The following SIK3 variants were observed in gnomAD, a reference collection of about 807,000 sequenced individuals.
The protein encoded by SIK3 is serine/threonine-protein kinase SIK3.
In SIK3, 28 loss-of-function variants were observed where a neutral mutation model predicts 144.2. That is an observed-to-expected ratio of 0.19 (90% confidence interval 0.14 to 0.27). The LOEUF is 0.27. SIK3 is among the 10% of genes least tolerant of loss of function. SIK3 has a pLI of 1.00. For missense variants in SIK3, 1,319 were observed against 1,776.0 expected, an observed-to-expected ratio of 0.74 and a Z score of 4.62; for synonymous variants, 686 against 676.3, an observed-to-expected ratio of 1.01 and a Z score of -0.22.
chr11:117,064,812 C>T (rs1017965507), intron 1 of SIK3, among the ~76,000 whole-genome samples: 1 of 152,088 alleles, frequency 6.6e-6, no homozygotes, highest in African/African-American at 2.4e-5. Flanking sequence ...CTTTTAATTG[C>T]TAAAATTCTC....
intron 4 of SIK3, among the ~76,000 whole-genome samples, chr11:116,898,041 G>C (rs983067236): frequency 2.6e-5 from 4 of 151,918 alleles, no homozygotes; most frequent in African/African-American, 7.3e-5. Context: ...AGTTACATAT[G>C]TATACATGTG....
intron 1 of SIK3, among the ~76,000 whole-genome samples, chr11:117,055,608 G>A (rs915417193): frequency 9.2e-5 from 14 of 152,222 alleles, no homozygotes; most frequent in African/African-American, 3.1e-4. Flanking sequence ...TTAACAAGTA[G>A]GCAGAGAAAC....
chr11:117,089,144 G>A (rs1026043682), intron 1 of SIK3, among the ~76,000 whole-genome samples: 2 of 151,480 alleles, frequency 1.3e-5, no homozygotes, highest in African/African-American at 4.8e-5. Flanking sequence ...GGTGGCTCAC[G>A]CCTGTAATCC....
chr11:117,039,788 T>C lies in SIK3; in HGVS notation c.273+58355A>G, dbSNP rs117189687. On this transcript the variant is annotated intron_variant, in intron 1 of 24. Transcript: ENST00000445177. The stretch of plus-strand genomic sequence containing the variant: ...ATAGACACTAAAGAAGTAGTTACTA[T>C]TATTTTACAAAGAAGAAAACTACGG... Among the ~76,000 whole-genome samples, 25 of 152,330 alleles carry C rather than the reference T, an allele frequency of 1.6e-4. No homozygotes were observed. In the East Asian group the frequency reaches 4.8e-3, roughly 29 times the overall value.
intron 4 of SIK3, among the ~76,000 whole-genome samples, chr11:116,926,860 A>G (rs1341356381): frequency 1.3e-5 from 2 of 152,080 alleles, no homozygotes; most frequent in African/African-American, 2.4e-5. Flanking sequence ...AACTCTACTA[A>G]AAGTATAAAA....
chr11:117,005,331 T>C (rs1308486454), intron 1 of SIK3, among the ~76,000 whole-genome samples: 2 of 76,750 alleles, frequency 2.6e-5, no homozygotes, highest in Non-Finnish European at 4.4e-5. Flanking sequence ...CGAGACCCCG[T>C]CTCAGAAAAA....
At chr11:116,947,167 AATT>A (rs1429660495) in intron 3 of SIK3, among the ~76,000 whole-genome samples, 204 of 118,260 alleles carry the variant, frequency 1.7e-3, no homozygotes, top group African/African-American at 7.8e-3. Flanking sequence ...ATTATATATA[AATT>A]ATTATTTATA....
At chr11:117,072,668 T>C (rs1021273964) in intron 1 of SIK3, among the ~76,000 whole-genome samples, 1 of 152,174 alleles carries the variant, frequency 6.6e-6, no homozygotes, top group African/African-American at 2.4e-5. Flanking sequence ...TCCTCTTTGG[T>C]AGTTGTGTAA....
chr11:117,067,422 A>C (rs1954070454), intron 1 of SIK3, among the ~76,000 whole-genome samples: 1 of 152,228 alleles, frequency 6.6e-6, no homozygotes, highest in Non-Finnish European at 1.5e-5. Flanking sequence ...TGATGAAAGA[A>C]GAGTACATCC....
At chr11:116,910,320 GAAAA>G (rs199714572) in intron 4 of SIK3, among the ~76,000 whole-genome samples, 6 of 149,330 alleles carry the variant, frequency 4.0e-5, no homozygotes, top group African/African-American at 1.5e-4. Context: ...CAGAAAAGAA[GAAAA>G]AAAAACCTAG....
At chr11:116,896,212 T>C in intron 6 of SIK3, 41 bp downstream of exon 6, 2 of 1,608,172 alleles carry the variant, frequency 1.2e-6, no homozygotes, top group Non-Finnish European at 1.7e-6. Context: ...GGTCTAACTT[T>C]CATGAACCCA....
At chr11:117,066,997 T>C (rs779054550) in intron 1 of SIK3, among the ~76,000 whole-genome samples, 7 of 152,222 alleles carry the variant, frequency 4.6e-5, no homozygotes, top group South Asian at 4.1e-4. Flanking sequence ...TTGGAACAAC[T>C]AAAATTTAAG....
At chr11:117,098,078 T>A in intron 1 of SIK3, 65 bp downstream of exon 1, 1 of 1,246,092 alleles carries the variant, frequency 8.0e-7, no homozygotes. Context: ...ACCCCCCGGC[T>A]GGGGGGCGCG....
intron 3 of SIK3, among the ~76,000 whole-genome samples, chr11:116,942,011 T>C (rs1055230776): frequency 6.6e-6 from 1 of 152,232 alleles, no homozygotes; most frequent in Non-Finnish European, 1.5e-5. Context: ...GTCAATTGAA[T>C]GAGTAGTAAA....
At chr11:117,026,939 T>C (rs1464796733) in intron 1 of SIK3, among the ~76,000 whole-genome samples, 1 of 152,118 alleles carries the variant, frequency 6.6e-6, no homozygotes, top group Non-Finnish European at 1.5e-5. Context: ...GTAATACAAG[T>C]AAGGGGGTAA....
intron 1 of SIK3, among the ~76,000 whole-genome samples, chr11:117,019,168 C>T (rs1240561639): frequency 6.6e-6 from 1 of 151,620 alleles, no homozygotes; most frequent in Non-Finnish European, 1.5e-5. Flanking sequence ...TACAGGTGCA[C>T]ACCGCCACAC....
At chr11:116,898,323 C>A (rs1467193976) in intron 4 of SIK3, among the ~76,000 whole-genome samples, 1 of 152,184 alleles carries the variant, frequency 6.6e-6, no homozygotes, top group Non-Finnish European at 1.5e-5. Flanking sequence ...TCTATGGCTG[C>A]ATAGTATTCC....
At chr11:116,901,218 G>A (rs905656009) in intron 4 of SIK3, among the ~76,000 whole-genome samples, 5 of 152,310 alleles carry the variant, frequency 3.3e-5, no homozygotes, top group Non-Finnish European at 7.3e-5. Flanking sequence ...CCATTAATTA[G>A]TAAATGGAGG....
Position 116,846,115 on chromosome 11 carries a change from G to GT in SIK3, c.*13+267dup, listed in dbSNP as rs1941923920. Reference sequence around the variant, plus strand: ...TGTCGCTATGAAGGCTAGAGCACCTGTAACACACGGCGAGTCTTGTGTCTT... The same window carrying GT: ...TGTCGCTATGAAGGCTAGAGCACCTGTTAACACACGGCGAGTCTTGTGTCTT... On this transcript the variant is annotated intron_variant, in intron 24 of 24. Transcript: ENST00000445177. The surrounding 1 kb of genome is among the most constrained non-coding windows in gnomAD (Gnocchi z 4.1). Among the ~76,000 whole-genome samples, 1 of 152,226 alleles carries GT rather than the reference G, an allele frequency of 6.6e-6. No homozygotes were observed. The highest frequency in any genetic ancestry group is 6.5e-5 in the Admixed American group (1 of 15,276).
Sources: gnomAD v4.1 joint callset for allele counts (sites outside exome capture counted in the v4.1 genomes callset) on GRCh38, gnomAD v4.1.1 for gene constraint, Gnocchi (gnomAD v3.1) non-coding constraint, MANE v1.5 for transcripts, NCBI Gene and HGNC (gene_info 2026-07-23, HGNC 2026-07-21) for gene names.